Variants in ATAD3C observed in about 807,000 individuals in gnomAD.
ATAD3C encodes the protein ATPase family AAA domain-containing protein 3C.
ATAD3C carries 38 observed loss-of-function variants against 46.3 expected under a neutral mutation model. The observed-to-expected ratio is 0.82, with a 90% confidence interval of 0.63 to 1.08. The LOEUF (loss-of-function observed/expected upper bound fraction) is 1.08, where lower values mean the gene tolerates loss of function less well. Among genes scored for constraint, ATAD3C ranks in the 50% least tolerant of loss-of-function variants. The probability of loss-of-function intolerance (pLI) is 0.00; values close to 1 mark genes in which losing one functional copy is unlikely to be tolerated. For synonymous variants in ATAD3C, 220 were observed against 236.4 expected (o/e 0.93, Z 0.63); for missense variants, 563 against 572.7 (o/e 0.98, Z 0.17).
At chr1:1,457,251 G>C (rs1638979107) in intron 8 of ATAD3C, 71 bp downstream of exon 8, 1 of 1,603,512 alleles carries the variant, frequency 6.2e-7, no homozygotes, top group African/African-American at 1.3e-5. Flanking sequence ...TCCTGGGCCA[G>C]GCCGCAGCCC....
rs1295728898 is a variant in ATAD3C at position 1,452,070 on chromosome 1, A to G, written c.100A>G (p.Lys34Glu). 1 of 1,613,646 alleles carries G rather than the reference A, an allele frequency of 6.2e-7. No homozygotes were observed. Among genetic ancestry groups the G allele is most frequent in the African/African-American group, 1.3e-5 (1 of 75,044 alleles). Reference protein sequence around the residue: ...LKQLVNEDLRKQEESVQKHHQ... With the variant: ...LKQLVNEDLREQEESVQKHHQ... ...GCAACTTGTCAATGAGGATTTACGG[A>G]AGCAGGAGGAGTCCGTGCAGAAGCA... The change falls in exon 2 of 12, where the codon AAG (lysine) becomes GAG (glutamate). Residue 34 changes from lysine to glutamate, a missense_variant. By Grantham distance (56) the Lys-to-Glu change is moderately conservative (BLOSUM62 1). Around this residue, in one of 3 missense-constraint regions of ATAD3C, gnomAD observed 263 missense variants for 243.1 expected, o/e 1.08. Transcript: ENST00000378785.
chr1:1,467,927 G>A (rs1385158990), intron 11 of ATAD3C, among the ~76,000 whole-genome samples: 6 of 152,076 alleles, frequency 3.9e-5, no homozygotes, highest in Non-Finnish European at 7.4e-5. Flanking sequence ...TGGGGGCAGA[G>A]GTGGCCTTGG....
rs1479792542 is a variant in ATAD3C, at chr1:1,459,808, T to C, written c.812+577T>C. On this transcript the variant is annotated intron_variant, in intron 9 of 11. Coordinates refer to ENST00000378785, the MANE Select transcript of ATAD3C (RefSeq NM_001039211.3). This position sits in a 1 kb window ranked among gnomAD's most constrained non-coding sequence, Gnocchi z 4.9. ...ACCGCCCCATGGCCAGTCTCCCTAG[T>C]CCCTCCCAAGTCCCCTAATTTTGAG... 6.6e-6 allele frequency among the ~76,000 whole-genome samples: 1 copy of C among 151,992 alleles called. No individual in the cohort carries two copies. Among genetic ancestry groups the C allele is most frequent in the Non-Finnish European group, 1.5e-5 (1 of 67,980 alleles).
rs2649602 is a variant in ATAD3C, at chr1:1,459,658, G to A, written c.812+427G>A. Among the ~76,000 whole-genome samples, 40,711 of 150,854 alleles carry A rather than the reference G, an allele frequency of 0.27. 11,468 individuals carry two copies. The highest frequency in any genetic ancestry group is 0.68 in the African/African-American group (27,588 of 40,680). On this transcript the variant is annotated intron_variant, in intron 9 of 11. Coordinates refer to ENST00000378785, the MANE Select transcript of ATAD3C (RefSeq NM_001039211.3). This position sits in a 1 kb window ranked among gnomAD's most constrained non-coding sequence, Gnocchi z 4.9. ...TGGACACCAGCAGGTCCTGTGTGTC[G>A]GGGCGGAACCTGGGACCTTGGTCCC...
chr1:1,459,625 C>G lies in ATAD3C; in HGVS notation c.812+394C>G, dbSNP rs571833709. 6.6e-6 allele frequency among the ~76,000 whole-genome samples: 1 copy of G among 151,582 alleles called. No homozygotes were observed. The highest frequency in any genetic ancestry group is 2.4e-5 in the African/African-American group (1 of 41,166). The stretch of plus-strand genomic sequence containing the variant: ...GGAGATGGAGACAAGTTTGCTCCCA[C>G]GGGAAGTTGGACACCAGCAGGTCCT... On this transcript the variant is annotated intron_variant, in intron 9 of 11. Coordinates refer to ENST00000378785, the MANE Select transcript of ATAD3C (RefSeq NM_001039211.3). The surrounding 1 kb of genome is among the most constrained non-coding windows in gnomAD (Gnocchi z 4.9).
intron 9 of ATAD3C, among the ~76,000 whole-genome samples, chr1:1,460,327 C>G (rs1022875581): frequency 3.3e-5 from 5 of 151,936 alleles, no homozygotes; most frequent in Non-Finnish European, 5.9e-5. Flanking sequence ...GTGACCCACC[C>G]GCCTCGGCCT....
In ATAD3C at chr1:1,459,988, C is replaced by T. The variant is rs1298141977; in HGVS notation, c.812+757C>T. ...CCTGGAGCCCTGACTCGGGTCCTTCCCAGAGAGGCAAGGCTGGGGCCCTGC... is the reference window on the plus strand; with the variant it reads ...CCTGGAGCCCTGACTCGGGTCCTTCTCAGAGAGGCAAGGCTGGGGCCCTGC... On this transcript the variant is annotated intron_variant, in intron 9 of 11. Transcript: ENST00000378785. The surrounding 1 kb of genome is among the most constrained non-coding windows in gnomAD (Gnocchi z 4.9). Among the ~76,000 whole-genome samples, 1 of 152,000 alleles carries T rather than the reference C, an allele frequency of 6.6e-6. No homozygotes were observed. The highest frequency in any genetic ancestry group is 1.5e-5 in the Non-Finnish European group (1 of 67,958).
At position 1,462,830 on chromosome 1, in the gene ATAD3C, G is replaced by A. The variant is rs1007111962; in HGVS notation, c.1089+122G>A. Reference sequence around the variant, plus strand: ...GAGCTTCTGTTGAGGGGTTTTCAGTGCACAGATGTGACACGGGGCCCCTGC... The same window carrying A: ...GAGCTTCTGTTGAGGGGTTTTCAGTACACAGATGTGACACGGGGCCCCTGC... On this transcript the variant is annotated intron_variant, in intron 11 of 11. Coordinates refer to ENST00000378785, the MANE Select transcript of ATAD3C (RefSeq NM_001039211.3). This position sits in a 1 kb window ranked among gnomAD's most constrained non-coding sequence, Gnocchi z 4.5. The A allele has an allele frequency of 7.2e-6, 9 of 1,255,144 alleles. No individual in the cohort carries two copies. Among genetic ancestry groups the A allele is most frequent in the Middle Eastern group, 2.2e-4 (1 of 4,550 alleles). The allele number at this position is 1,255,144 out of a possible 1,614,324, so 77.8% of individuals were successfully genotyped here.
At position 1,450,592 on chromosome 1, in the gene ATAD3C, A is replaced by G. The variant is rs887259881; in HGVS notation, c.-92A>G. On this transcript the variant is annotated 5_prime_UTR_variant, in exon 1 of 12. Transcript: ENST00000378785. ...CTTTGAGGTCGAGGCGTGGCCGTGG[A>G]TTCCAGAAAGCCCCTTGGCTGGTGT... 3.9e-5 allele frequency: 59 copies of G among 1,499,816 alleles called. No homozygotes were observed. The highest frequency in any genetic ancestry group is 7.4e-5 in the East Asian group (3 of 40,730). The allele number at this position is 1,499,816 out of a possible 1,614,324, so 92.9% of individuals were successfully genotyped here.
intron 4 of ATAD3C, 56 bp from the exon 5 acceptor site, chr1:1,455,404 G>A (rs568004562): frequency 6.3e-7 from 1 of 1,598,748 alleles, no homozygotes; most frequent in East Asian, 2.3e-5. Flanking sequence ...GTGTGCGTTG[G>A]TGGCTGTTCC....
rs528644467 is a variant in ATAD3C at position 1,459,820 on chromosome 1, C to A, written c.812+589C>A. ...CCAGTCTCCCTAGTCCCTCCCAAGT[C>A]CCCTAATTTTGAGTTTTCTTGGTCT... On this transcript the variant is annotated intron_variant, in intron 9 of 11. Coordinates refer to ENST00000378785, the MANE Select transcript of ATAD3C (RefSeq NM_001039211.3). The surrounding 1 kb of genome is among the most constrained non-coding windows in gnomAD (Gnocchi z 4.9). 6.6e-6 allele frequency among the ~76,000 whole-genome samples: 1 copy of A among 152,002 alleles called. No individual in the cohort carries two copies. The highest frequency in any genetic ancestry group is 2.1e-4 in the South Asian group (1 of 4,804).
chr1:1,453,566 GC>G (rs1638900025), intron 3 of ATAD3C, among the ~76,000 whole-genome samples: 1 of 151,920 alleles, frequency 6.6e-6, no homozygotes, highest in Non-Finnish European at 1.5e-5. Flanking sequence ...CGAACTCCTG[GC>G]CTCAAGTGAT....
intron 3 of ATAD3C, among the ~76,000 whole-genome samples, chr1:1,452,759 A>C (rs1488614726): frequency 6.7e-6 from 1 of 149,688 alleles, no homozygotes; most frequent in Non-Finnish European, 1.5e-5. Flanking sequence ...AGATCCTGCC[A>C]TTGCACTCCA....
chr1:1,468,554 C>T lies in ATAD3C; in HGVS notation c.*24C>T, dbSNP rs767127598. ...GAGTCCATGGGGAGACCACACCTCA[C>T]GGAGCCTGGCCGCGGACCCCTCCCA... On this transcript the variant is annotated 3_prime_UTR_variant, in exon 12 of 12. Transcript: ENST00000378785. 6.3e-6 allele frequency: 10 copies of T among 1,590,504 alleles called. No homozygotes were observed. Among genetic ancestry groups the T allele is most frequent in the East Asian group, 4.5e-5 (2 of 44,252 alleles).
rs768358809 is a variant in ATAD3C, at chr1:1,462,722, G to C, written c.1089+14G>C. On this transcript the variant is annotated intron_variant, in intron 11 of 11. Transcript: ENST00000378785. The surrounding 1 kb of genome is among the most constrained non-coding windows in gnomAD (Gnocchi z 4.5). ...GTGTCCTGGCAGGTGAGTCAGGCTC[G>C]GGTGCACCCACCCAGATGGAAGCCC... 4.4e-6 allele frequency: 7 copies of C among 1,591,684 alleles called. No individual in the cohort carries two copies. The African/African-American group carries it at 6.7e-5, about 15-fold the overall frequency.
chr1:1,461,379 G>A (rs956855618), intron 10 of ATAD3C, among the ~76,000 whole-genome samples: 2 of 151,900 alleles, frequency 1.3e-5, no homozygotes, highest in Non-Finnish European at 2.9e-5. Context: ...GTGGAGATGC[G>A]GTTTCACCAT....
intron 4 of ATAD3C, among the ~76,000 whole-genome samples, chr1:1,455,088 G>A (rs1008359453): frequency 1.5e-4 from 23 of 151,436 alleles, no homozygotes; most frequent in African/African-American, 4.4e-4. Context: ...GTGGTGGCGG[G>A]CGCCTGTAGT....
At position 1,468,460 on chromosome 1, in the gene ATAD3C, A is replaced by T; in HGVS notation, c.1166A>T (p.Gln389Leu). ...GCCTGCGTGCAAGACTTTGTCCAGC[A>T]GCACCAGCAGATGATGCGCTGGCTG... ...MDACVQDFVQ[Q>L]HQQMMRWLKG... is the part of the protein sequence containing the mutation. The change falls in exon 12 of 12, where the codon CAG (glutamine) becomes CTG (leucine). Residue 389 changes from glutamine to leucine, a missense_variant. Physicochemically the swap from Gln to Leu is moderately radical, Grantham distance 113 (BLOSUM62 -2). Around this residue, in one of 3 missense-constraint regions of ATAD3C, gnomAD observed 273 missense variants for 253.5 expected, o/e 1.08. Coordinates refer to ENST00000378785, the MANE Select transcript of ATAD3C (RefSeq NM_001039211.3). 1 of 1,612,956 alleles carries T rather than the reference A, an allele frequency of 6.2e-7. No homozygotes were observed.
At chr1:1,455,106 A>G (rs1267820635) in intron 4 of ATAD3C, among the ~76,000 whole-genome samples, 1 of 150,278 alleles carries the variant, frequency 6.7e-6, no homozygotes, top group Non-Finnish European at 1.5e-5. Context: ...AGTCCCAGCT[A>G]CTCGGGAGGC....
Sources: gnomAD v4.1 joint callset for allele counts (sites outside exome capture counted in the v4.1 genomes callset) on GRCh38, gnomAD v4.1.1 for gene constraint, gnomAD v4.1.1 regional missense constraint, Gnocchi (gnomAD v3.1) non-coding constraint, MANE v1.5 for transcripts, NCBI Gene and HGNC (gene_info 2026-07-23, HGNC 2026-07-21) for gene names.